The following AKAP1 variants were observed in gnomAD, a reference collection of about 807,000 sequenced individuals.
The protein encoded by AKAP1 is A-kinase anchoring protein 1.
In AKAP1, 32 loss-of-function variants were observed where a neutral mutation model predicts 79.8. The observed-to-expected ratio is 0.40, with a 90% CI of 0.30 to 0.54. The LOEUF is 0.54. Ranked by LOEUF, AKAP1 falls within the 20% of genes least tolerant of loss-of-function variation. AKAP1 has a pLI of 0.47. For missense variants in AKAP1, 961 were observed against 1,138.9 expected (o/e 0.84, Z 2.25); for synonymous variants, 416 against 466.7 (o/e 0.89, Z 1.40).
rs923936280 is a variant in AKAP1 at position 57,105,865 on chromosome 17, C to G, written c.401C>G (p.Ala134Gly). ...GATGACAGTACAAAGCTGGAGCTAG[C>G]CCTGACAGGTGGTGAAGCCAAATCG... Reference protein sequence around the residue: ...RRDDSTKLELALTGGEAKSIP... With the variant: ...RRDDSTKLELGLTGGEAKSIP... Residue 134 changes from alanine (A) to glycine (G), a missense_variant, in exon 2 of 11, where the codon GCC (alanine) becomes GGC (glycine). This residue lies in a region of AKAP1 where 224 missense variants were observed against 210.2 expected (regional missense o/e 1.07). Coordinates refer to ENST00000337714, the MANE Select transcript of AKAP1 (RefSeq NM_003488.4). 5 of 1,614,218 alleles carry G rather than the reference C, an allele frequency of 3.1e-6. No homozygotes were observed. Among genetic ancestry groups the G allele is most frequent in the Non-Finnish European group, 4.2e-6 (5 of 1,180,054 alleles).
intron 1 of AKAP1, chr17:57,096,430 A>G (rs1914117017): frequency 6.6e-6 from 1 of 152,082 alleles, no homozygotes; most frequent in Non-Finnish European, 1.5e-5. Context: ...GCACCCACAA[A>G]GTGTGCTGGT....
Position 57,086,569 on chromosome 17 carries a change from G to C in AKAP1, c.-25+1171G>C, listed in dbSNP as rs1416441628. ...GTCGAGGCCTCTCAAGCTGGGTAGG[G>C]TGTATGCGCAGGGCAATTAGTGAGG... is the stretch of plus-strand genomic sequence containing the variant. On this transcript the variant is annotated intron_variant, in intron 1 of 10. Coordinates refer to ENST00000337714, the MANE Select transcript of AKAP1 (RefSeq NM_003488.4). The surrounding 1 kb of genome is among the most constrained non-coding windows in gnomAD (Gnocchi z 5.1). 2.5e-6 allele frequency: 1 copy of C among 396,434 alleles called. No individual in the cohort carries two copies. The allele number at this position is 396,434 out of a possible 1,614,324, so 24.6% of individuals were successfully genotyped here. A position where few individuals can be genotyped will look rare whatever the true frequency, so the allele number is the denominator to read the frequency against.
chr17:57,119,828 C>CTGTTTTTTTT, intron 10 of AKAP1, among the ~76,000 whole-genome samples: 1 of 40,528 alleles, frequency 2.5e-5, no homozygotes, highest in Non-Finnish European at 4.7e-5. Context: ...CACCCTGTTA[C>CTGTTTTTTTT]TCTTTTTTTT....
chr17:57,095,618 A>G (rs751123222), intron 1 of AKAP1: 11 of 151,776 alleles, frequency 7.2e-5, no homozygotes, highest in African/African-American at 1.9e-4. Flanking sequence ...ATTACCTTCT[A>G]TGCTTTTATG....
chr17:57,119,180 T>G, intron 10 of AKAP1, 136 bp downstream of exon 10: 1 of 943,694 alleles, frequency 1.1e-6, no homozygotes, highest in Non-Finnish European at 1.7e-6. Context: ...AGGGAACACT[T>G]TGGATGTCCT....
chr17:57,113,299 G>A (rs958245328), intron 5 of AKAP1, among the ~76,000 whole-genome samples: 1 of 152,194 alleles, frequency 6.6e-6, no homozygotes, highest in Non-Finnish European at 1.5e-5. Context: ...GAGTAGAATT[G>A]CAGAATTCTG....
At chr17:57,096,000 C>T (rs1914088421) in intron 1 of AKAP1, 1 of 152,128 alleles carries the variant, frequency 6.6e-6, no homozygotes. Flanking sequence ...AATCCACACC[C>T]CTACCCCCAA....
chr17:57,110,042 A>G lies in AKAP1; in HGVS notation c.1732A>G (p.Met578Val). 1 of 1,614,100 alleles carries G rather than the reference A, an allele frequency of 6.2e-7. No homozygotes were observed. Among genetic ancestry groups the G allele is most frequent in the Non-Finnish European group, 8.5e-7 (1 of 1,179,980 alleles). Residue 578 changes from methionine (M) to valine (V), a missense_variant, in exon 3 of 11, where the codon ATG becomes GTG. This residue lies in a region of AKAP1 where 629 missense variants were observed against 781.1 expected (regional missense o/e 0.81). Transcript: ENST00000337714. ...DHSGGSDRNS[M>V]DSVDSCCSLK... ...CCCTGCAGGTTCTGACAGGAACAGC[A>G]TGGATTCCGTGGATAGCTGTTGCAG...
chr17:57,118,253 C>A, intron 8 of AKAP1, 128 bp from the exon 9 acceptor site: 1 of 805,190 alleles, frequency 1.2e-6, no homozygotes, highest in African/African-American at 1.7e-5. Flanking sequence ...TGGATCTCCC[C>A]AGTGCAGTTC....
chr17:57,105,436 C>A lies in AKAP1; in HGVS notation c.-24-5C>A, dbSNP rs895081230. The A allele has an allele frequency of 1.3e-6, 2 of 1,590,378 alleles. No homozygotes were observed. Among genetic ancestry groups the A allele is most frequent in the Non-Finnish European group, 1.7e-6 (2 of 1,169,338 alleles). ...CCCTCCTCCCCGCTCTCCTGCTCTC[C>A]CCAGGTGTAATTACTTCAAGCCTCC... On this transcript the variant is annotated splice_region_variant and splice_polypyrimidine_tract_variant and intron_variant, in intron 1 of 10. Transcript: ENST00000337714.
intron 6 of AKAP1, among the ~76,000 whole-genome samples, chr17:57,115,419 T>G (rs764977374): frequency 1.1e-4 from 17 of 152,212 alleles, no homozygotes; most frequent in Non-Finnish European, 2.2e-4. Context: ...CCAGGGGTTC[T>G]CTCCAAGGGT....
rs547471857 is a variant in AKAP1, at chr17:57,086,556, C to T, written c.-25+1158C>T. The T allele has an allele frequency of 5.2e-5, 22 of 425,268 alleles. No individual in the cohort carries two copies. Among genetic ancestry groups the T allele is most frequent in the African/African-American group, 3.9e-4 (19 of 48,996 alleles). The allele number at this position is 425,268 out of a possible 1,614,324, so 26.3% of individuals were successfully genotyped here. ...GCTCCAGGTGCGAGTCGAGGCCTCT[C>T]AAGCTGGGTAGGGTGTATGCGCAGG... On this transcript the variant is annotated intron_variant, in intron 1 of 10. Transcript: ENST00000337714. This position sits in a 1 kb window ranked among gnomAD's most constrained non-coding sequence, Gnocchi z 5.1.
At position 57,112,631 on chromosome 17, in the gene AKAP1, C is replaced by G. The variant is rs766091137; in HGVS notation, c.2103+13C>G. 2 of 1,595,930 alleles carry G rather than the reference C, an allele frequency of 1.3e-6. No homozygotes were observed. The highest frequency in any genetic ancestry group is 1.7e-6 in the Non-Finnish European group (2 of 1,171,760). ...GATGACATCCTGGGTGAGCGTGCTA[C>G]TGGGTGATCCGGACTTCTTGCCACT... On this transcript the variant is annotated intron_variant, in intron 5 of 10. Transcript: ENST00000337714.
chr17:57,117,000 C>A lies in AKAP1; in HGVS notation c.2500+73C>A, dbSNP rs753640623. The A allele has an allele frequency of 9.4e-6, 13 of 1,389,698 alleles. No individual in the cohort carries two copies. The South Asian group carries it at 1.0e-4, about 11-fold the overall frequency. 86.1% of individuals were successfully genotyped at this position (1,389,698 alleles called of 1,614,324 possible). A position where few individuals can be genotyped will look rare whatever the true frequency, so the allele number is the denominator to read the frequency against. ...GAGAGTAGGTCTTTCTCAGAGCCTC[C>A]GTTCTCACCTGGAGGATTTATGCTA... On this transcript the variant is annotated intron_variant, in intron 8 of 10. Transcript: ENST00000337714.
chr17:57,095,559 C>T lies in AKAP1; in HGVS notation c.-24-9882C>T, dbSNP rs1017794323. On this transcript the variant is annotated intron_variant, in intron 1 of 10. Transcript: ENST00000337714. ...AGTGCCTTGCCTGATTAATTTGTGT[C>T]CCACCATGCTTTTCTCTGTGAGTGC... The T allele has an allele frequency of 5.3e-5, 8 of 150,262 alleles. No homozygotes were observed. In the South Asian group the frequency reaches 6.4e-4, roughly 12 times the overall value. 9.3% of individuals were successfully genotyped at this position (150,262 alleles called of 1,614,324 possible).
At chr17:57,102,643 T>G (rs1567903643) in intron 1 of AKAP1, among the ~76,000 whole-genome samples, 2 of 152,006 alleles carry the variant, frequency 1.3e-5, no homozygotes, top group African/African-American at 4.8e-5. Flanking sequence ...TCTCTTTTTT[T>G]TTTGTATTTT....
intron 1 of AKAP1, chr17:57,096,059 T>G (rs1351124249): frequency 1.3e-5 from 2 of 152,266 alleles, no homozygotes; most frequent in Admixed American, 6.5e-5. Flanking sequence ...TGATTTTTCC[T>G]TCACGAAAAG....
In AKAP1 at chr17:57,114,588, C is replaced by T. The variant is rs560467418; in HGVS notation, c.2233C>T (p.Leu745Phe). The T allele has an allele frequency of 6.8e-6, 11 of 1,614,202 alleles. No homozygotes were observed. The African/African-American group carries it at 8.0e-5, about 12-fold the overall frequency. ...GCGCAGCCTCGACCAGCAGATGTAC[C>T]TCTGTTACTCTCAGCCTGGAATCCC... ...ALRSLDQQMY[L>F]CYSQPGIPTL... Residue 745 changes from leucine (L) to phenylalanine (F), a missense_variant, in exon 6 of 11, where the codon CTC (leucine) becomes TTC (phenylalanine). Physicochemically the swap from Leu to Phe is conservative, Grantham distance 22 (BLOSUM62 0). Transcript: ENST00000337714.
chr17:57,091,567 C>CGGGGAGCT (rs918884689), intron 1 of AKAP1, among the ~76,000 whole-genome samples: 20 of 152,042 alleles, frequency 1.3e-4, no homozygotes, highest in South Asian at 4.1e-4. Context: ...TGAGGCAGCC[C>CGGGGAGCT]GGGGAGCTGG....
Sources: allele counts gnomAD v4.1 joint callset (sites outside exome capture counted in the v4.1 genomes callset), GRCh38; gene constraint gnomAD v4.1.1; regional missense constraint gnomAD v4.1.1; non-coding constraint Gnocchi (gnomAD v3.1); transcripts MANE v1.5; gene names NCBI Gene and HGNC (gene_info 2026-07-23, HGNC 2026-07-21).